Variants in STOX2 observed in about 807,000 individuals in gnomAD.
STOX2 encodes the protein storkhead box 2, also known as storkhead-box protein 2.
A neutral mutation model predicts 60.9 loss-of-function variants in STOX2; 28 were observed. The ratio of observed to expected loss-of-function variants is 0.46; its 90% confidence interval spans 0.34 to 0.63. The LOEUF is 0.63. Ranked by LOEUF, STOX2 falls within the 30% of genes least tolerant of loss-of-function variation. STOX2 has a pLI of 0.01. For missense variants in STOX2, 1,024 were observed against 1,187.7 expected (o/e 0.86, Z 2.03); for synonymous variants, 472 against 463.9 (o/e 1.02, Z -0.22).
At chr4:183,835,374 C>T (rs1296524579) in intron 1 of STOX2, among the ~76,000 whole-genome samples, 1 of 151,826 alleles carries the variant, frequency 6.6e-6, no homozygotes, top group Admixed American at 6.6e-5. Context: ...CAGGCGCCCA[C>T]CACCACACCC....
chr4:183,986,769 G>A lies in STOX2; in HGVS notation c.167-14556G>A, dbSNP rs568355635. 6.6e-5 allele frequency among the ~76,000 whole-genome samples: 10 copies of A among 152,354 alleles called. No individual in the cohort carries two copies. In the South Asian group the frequency reaches 1.7e-3, roughly 25 times the overall value. On this transcript the variant is annotated intron_variant, in intron 1 of 3. Coordinates refer to ENST00000308497, the MANE Select transcript of STOX2 (RefSeq NM_020225.3). ...GACGCTGATTTGAACTCAACTCACA[G>A]GGGGGCCTTTGCCAGAGCCTGAGCT...
intron 1 of STOX2, among the ~76,000 whole-genome samples, chr4:183,875,872 C>T (rs571023083): frequency 2.7e-4 from 41 of 152,314 alleles, no homozygotes; most frequent in Non-Finnish European, 4.6e-4. Flanking sequence ...TACATGCCAC[C>T]ACGCTGGGCT....
intron 1 of STOX2, among the ~76,000 whole-genome samples, chr4:184,000,508 G>A (rs1733540623): frequency 6.6e-6 from 1 of 152,010 alleles, no homozygotes; most frequent in African/African-American, 2.4e-5. Flanking sequence ...GCCTTCCATG[G>A]CTCACCACCC....
chr4:183,917,074 A>AC (rs1418377907), intron 1 of STOX2, among the ~76,000 whole-genome samples: 3 of 152,152 alleles, frequency 2.0e-5, no homozygotes, highest in African/African-American at 7.2e-5. Context: ...GTGGCTTTGT[A>AC]CTCCCAGTGT....
At chr4:183,883,322 A>ATTT (rs11458747) in intron 1 of STOX2, among the ~76,000 whole-genome samples, 1 of 148,238 alleles carries the variant, frequency 6.7e-6, no homozygotes, top group Non-Finnish European at 1.5e-5. Flanking sequence ...CATGTTATAA[A>ATTT]TTTTTTTTTT....
chr4:183,927,305 A>G (rs1742269298), intron 1 of STOX2, among the ~76,000 whole-genome samples: 1 of 152,228 alleles, frequency 6.6e-6, no homozygotes, highest in Admixed American at 6.5e-5. Flanking sequence ...ATGGGACAAT[A>G]GCAGCACCTG....
intron 1 of STOX2, among the ~76,000 whole-genome samples, chr4:183,916,763 CA>C (rs1441697895): frequency 6.6e-6 from 1 of 152,184 alleles, no homozygotes; most frequent in Non-Finnish European, 1.5e-5. Context: ...AGAAGCTACA[CA>C]AAAAAGTACA....
chr4:183,941,999 A>G lies in STOX2; in HGVS notation c.166+35043A>G, dbSNP rs1183252940. 3.9e-5 allele frequency among the ~76,000 whole-genome samples: 6 copies of G among 152,268 alleles called. No homozygotes were observed. The East Asian group carries it at 7.7e-4, about 20-fold the overall frequency. ...GTCCTCAACCCATTAAAAAGTATGG[A>G]TGGTCCTCAGGGGTATTTAGTACCT... On this transcript the variant is annotated intron_variant, in intron 1 of 3. Transcript: ENST00000308497.
Position 183,969,040 on chromosome 4 carries a change from C to G in STOX2, c.167-32285C>G, listed in dbSNP as rs189636012. On this transcript the variant is annotated intron_variant, in intron 1 of 3. Transcript: ENST00000308497. Reference sequence around the variant, plus strand: ...ATCAATTGTTTGTTCTTAAAACAAGCCTTTTATGAGGTGTGGAACTTTAAA... The same window carrying G: ...ATCAATTGTTTGTTCTTAAAACAAGGCTTTTATGAGGTGTGGAACTTTAAA... Among the ~76,000 whole-genome samples, 8 of 152,240 alleles carry G rather than the reference C, an allele frequency of 5.3e-5. No individual in the cohort carries two copies. The East Asian group carries it at 1.2e-3, about 22-fold the overall frequency.
rs2111128102 is a variant in STOX2, at chr4:183,940,196, C to G, written c.166+33240C>G. 2.0e-5 allele frequency among the ~76,000 whole-genome samples: 3 copies of G among 152,326 alleles called. No individual in the cohort carries two copies. In the South Asian group the frequency reaches 6.2e-4, roughly 32 times the overall value. On this transcript the variant is annotated intron_variant, in intron 1 of 3. Transcript: ENST00000308497. Reference sequence around the variant, plus strand: ...GGGATTACAGGCGTGAGCCACCGAGCCCGGCCAGTATTTTTATCATTTCTG... The same window carrying G: ...GGGATTACAGGCGTGAGCCACCGAGGCCGGCCAGTATTTTTATCATTTCTG...
Position 184,010,243 on chromosome 4 carries a change from C to T in STOX2, c.1405C>T (p.Arg469Ter). The change falls in exon 3 of 4, where the codon CGA becomes TGA. Residue 469 changes from arginine (R) to a stop codon, truncating the protein, a stop_gained. Transcript: ENST00000308497. LOFTEE classifies it high-confidence loss of function. The surrounding 1 kb of genome is among the most constrained non-coding windows in gnomAD (Gnocchi z 4.5). ...GGGAAGCTCCCACTCAAAAGTGCAC[C>T]GAAGCCACAGCCATACACAGGACCG... is the stretch of plus-strand genomic sequence containing the variant. Reference protein sequence around the residue: ...SRGSSHSKVHRSHSHTQDRRS... With the variant: ...SRGSSHSKVH The T allele has an allele frequency of 6.4e-7, 1 of 1,561,586 alleles. No homozygotes were observed. The highest frequency in any genetic ancestry group is 8.7e-7 in the Non-Finnish European group (1 of 1,153,030).
intron 1 of STOX2, among the ~76,000 whole-genome samples, chr4:183,861,691 A>G (rs991453714): frequency 5.3e-5 from 8 of 152,176 alleles, no homozygotes; most frequent in Non-Finnish European, 1.2e-4. Context: ...TGTTTGGAAG[A>G]CACAATGCGA....
intron 1 of STOX2, among the ~76,000 whole-genome samples, chr4:183,938,332 G>T (rs1157327048): frequency 6.6e-6 from 1 of 152,138 alleles, no homozygotes; most frequent in Non-Finnish European, 1.5e-5. Context: ...GTTTGTGTTA[G>T]TAAATTAACA....
rs995038554 is a variant in STOX2, at chr4:183,832,369, T to A, written c.364+34314T>A. Among the ~76,000 whole-genome samples the A allele has an allele frequency of 2.0e-5, 3 of 152,140 alleles. No homozygotes were observed. The East Asian group carries it at 5.8e-4, about 29-fold the overall frequency. On this transcript the variant is annotated intron_variant, in intron 1 of 2. Transcript: ENST00000513034. ...AACCCCATTTTGGCTCCTAGTTGTA[T>A]GCTTATCTCTGTTAGAGAAGACTCT...
At chr4:183,884,630 C>T (rs550896648) in intron 1 of STOX2, among the ~76,000 whole-genome samples, 199 of 152,250 alleles carry the variant, frequency 1.3e-3, no homozygotes, top group African/African-American at 4.5e-3. Context: ...TCTGCTTTTA[C>T]GTTTCTTTAG....
intron 1 of STOX2, among the ~76,000 whole-genome samples, chr4:183,838,708 G>A (rs1739774541): frequency 6.6e-6 from 1 of 152,172 alleles, no homozygotes; most frequent in Non-Finnish European, 1.5e-5. Flanking sequence ...AGGGGTTTTG[G>A]CCTCTCTCTG....
chr4:183,911,291 G>A (rs772123523), intron 1 of STOX2, among the ~76,000 whole-genome samples: 11 of 152,218 alleles, frequency 7.2e-5, no homozygotes, highest in African/African-American at 1.2e-4. Context: ...TTTAGGACTC[G>A]CCCTGATGAC....
At chr4:183,800,323 C>T (rs1003101825) in intron 1 of STOX2, among the ~76,000 whole-genome samples, 22 of 151,642 alleles carry the variant, frequency 1.5e-4, no homozygotes, top group African/African-American at 4.1e-4. Flanking sequence ...GGCGGGGGGC[C>T]GGGGCGGTGA....
At chr4:183,850,207 A>G (rs962505339) in intron 1 of STOX2, among the ~76,000 whole-genome samples, 1 of 151,800 alleles carries the variant, frequency 6.6e-6, no homozygotes, top group Admixed American at 6.6e-5. Context: ...TCCTGTCCTC[A>G]GGTGATCTGC....
Sources: allele counts gnomAD v4.1 joint callset (sites outside exome capture counted in the v4.1 genomes callset), GRCh38; gene constraint gnomAD v4.1.1; non-coding constraint Gnocchi (gnomAD v3.1); transcripts MANE v1.5; gene names NCBI Gene and HGNC (gene_info 2026-07-23, HGNC 2026-07-21).